The following CDK14 variants were observed in gnomAD, a reference collection of about 807,000 sequenced individuals.
The protein encoded by CDK14 is cyclin-dependent kinase 14.
CDK14 carries 34 observed loss-of-function variants against 60.7 expected under a neutral mutation model. The observed-to-expected ratio is 0.56, with a 90% confidence interval of 0.43 to 0.75. The LOEUF (loss-of-function observed/expected upper bound fraction) is 0.75. Among genes scored for constraint, CDK14 ranks in the 30% least tolerant of loss-of-function variants. The pLI is 0.00. For missense variants in CDK14, 482 were observed against 564.1 expected (o/e 0.85, Z 1.47); for synonymous variants, 197 against 203.7 (o/e 0.97, Z 0.28).
intron 5 of CDK14, among the ~76,000 whole-genome samples, chr7:90,812,162 G>A (rs1453899530): frequency 1.3e-5 from 2 of 152,164 alleles, no homozygotes; most frequent in Non-Finnish European, 2.9e-5. Context: ...AAAGACACAT[G>A]CCCATGTATG....
intron 10 of CDK14, among the ~76,000 whole-genome samples, chr7:91,030,675 C>A (rs1225124736): frequency 6.6e-6 from 1 of 152,174 alleles, no homozygotes; most frequent in East Asian, 1.9e-4. Flanking sequence ...GCCTCCTGAC[C>A]CCACCTTGCT....
In CDK14 at chr7:90,757,256, G is replaced by GTGTC. The variant is rs1554330400; in HGVS notation, c.464+9484_464+9485insCTGT. On this transcript the variant is annotated intron_variant, in intron 4 of 14. Coordinates refer to ENST00000380050, the MANE Select transcript of CDK14 (RefSeq NM_001287135.2). ...TGTGTGTGTGTGTGTGTGTGTCTGTGTGTGTCTGTGTCCAAGTTTTCCCTT... is the reference window on the plus strand; with the variant it reads ...TGTGTGTGTGTGTGTGTGTGTCTGTGTGTCTGTGTCTGTGTCCAAGTTTTCCCTT... Among the ~76,000 whole-genome samples, 1,136 of 147,398 alleles carry GTGTC rather than the reference G, an allele frequency of 7.7e-3. 13 individuals carry two copies. The highest frequency in any genetic ancestry group is 0.063 in the East Asian group (268 of 4,232).
At chr7:91,119,945 T>C (rs1799732542) in intron 14 of CDK14, among the ~76,000 whole-genome samples, 1 of 152,058 alleles carries the variant, frequency 6.6e-6, no homozygotes, top group South Asian at 2.1e-4. Flanking sequence ...AGACAAAGAG[T>C]GGGGCTAGGT....
chr7:90,711,597 C>A (rs1464488810), intron 2 of CDK14, among the ~76,000 whole-genome samples: 1 of 152,000 alleles, frequency 6.6e-6, no homozygotes, highest in African/African-American at 2.4e-5. Flanking sequence ...TCTCATTCTG[C>A]AAATATTGAT....
At chr7:90,725,876 A>AG (rs1802616224) in intron 2 of CDK14, among the ~76,000 whole-genome samples, 1 of 152,126 alleles carries the variant, frequency 6.6e-6, no homozygotes, top group Non-Finnish European at 1.5e-5. Flanking sequence ...GAAGGGAAGG[A>AG]GGTGGAGGTC....
chr7:90,848,778 A>G (rs1482643461), intron 5 of CDK14, among the ~76,000 whole-genome samples: 1 of 152,222 alleles, frequency 6.6e-6, no homozygotes, highest in Non-Finnish European at 1.5e-5. Context: ...TCAAAGTGAT[A>G]TGAAAGAAAC....
chr7:90,755,425 G>A (rs1804015583), intron 4 of CDK14, among the ~76,000 whole-genome samples: 1 of 152,152 alleles, frequency 6.6e-6, no homozygotes, highest in South Asian at 2.1e-4. Context: ...GGTACACTTG[G>A]ACATAAGTTG....
intron 11 of CDK14, among the ~76,000 whole-genome samples, chr7:91,069,802 TTTG>T (rs768437962): frequency 5.9e-5 from 9 of 152,274 alleles, no homozygotes; most frequent in Non-Finnish European, 1.2e-4. Flanking sequence ...AAATTTTTTG[TTTG>T]TTGTTTGTTA....
intron 10 of CDK14, among the ~76,000 whole-genome samples, chr7:91,043,883 G>A (rs1228648950): frequency 2.6e-5 from 4 of 152,270 alleles, no homozygotes; most frequent in African/African-American, 9.6e-5. Context: ...GGCACTTACT[G>A]TATATGTGCC....
chr7:91,137,716 ATGTG>A (rs34823535), intron 14 of CDK14, among the ~76,000 whole-genome samples: 3 of 130,610 alleles, frequency 2.3e-5, no homozygotes, highest in Non-Finnish European at 3.4e-5. Context: ...GTGTGTGTGT[ATGTG>A]TGTGTGTGTG....
chr7:90,860,008 G>A (rs563734897), intron 5 of CDK14, among the ~76,000 whole-genome samples: 1 of 152,026 alleles, frequency 6.6e-6, no homozygotes, highest in Non-Finnish European at 1.5e-5. Context: ...TGTTTTTAAT[G>A]TAATGGTAAA....
intron 8 of CDK14, among the ~76,000 whole-genome samples, chr7:90,950,257 A>G (rs962657393): frequency 3.3e-5 from 5 of 151,872 alleles, no homozygotes; most frequent in East Asian, 1.9e-4. Flanking sequence ...TTTATTTTCA[A>G]TAGACACGGG....
chr7:90,769,802 C>T (rs560080239), intron 4 of CDK14, among the ~76,000 whole-genome samples: 1 of 152,064 alleles, frequency 6.6e-6, no homozygotes. Flanking sequence ...TATGAATGGT[C>T]CTATGAACAG....
At chr7:90,711,571 A>C (rs559987916) in intron 2 of CDK14, among the ~76,000 whole-genome samples, 2 of 152,222 alleles carry the variant, frequency 1.3e-5, no homozygotes, top group Admixed American at 6.5e-5. Context: ...CTGATTTTAC[A>C]ATCATACGAT....
chr7:90,649,418 T>TTTCC (rs199997396), intron 2 of CDK14, among the ~76,000 whole-genome samples: 1 of 110,766 alleles, frequency 9.0e-6, no homozygotes, highest in African/African-American at 3.7e-5. Context: ...TCTTTCTTTC[T>TTTCC]TTCCTTCTTT....
chr7:90,859,000 G>A (rs1158925627), intron 5 of CDK14, among the ~76,000 whole-genome samples: 1 of 152,162 alleles, frequency 6.6e-6, no homozygotes, highest in African/African-American at 2.4e-5. Flanking sequence ...TTGAGTGCTG[G>A]TTTATAAAGC....
intron 11 of CDK14, among the ~76,000 whole-genome samples, chr7:91,058,669 T>C (rs1723072642): frequency 6.6e-6 from 1 of 152,188 alleles, no homozygotes; most frequent in Admixed American, 6.5e-5. Flanking sequence ...AATCATGTGG[T>C]TTTTGTCATT....
chr7:90,764,284 A>T (rs773083700), intron 4 of CDK14, among the ~76,000 whole-genome samples: 1 of 152,094 alleles, frequency 6.6e-6, no homozygotes, highest in East Asian at 1.9e-4. Flanking sequence ...CAAATGACCT[A>T]CTCAGGTGCC....
chr7:90,659,941 C>T (rs923085753), intron 2 of CDK14, among the ~76,000 whole-genome samples: 1 of 151,262 alleles, frequency 6.6e-6, no homozygotes, highest in Non-Finnish European at 1.5e-5. Context: ...TGGATTGACT[C>T]CAACAGTAAA....
Sources: allele counts gnomAD v4.1 joint callset (sites outside exome capture counted in the v4.1 genomes callset), GRCh38; gene constraint gnomAD v4.1.1; transcripts MANE v1.5; gene names NCBI Gene and HGNC (gene_info 2026-07-23, HGNC 2026-07-21).